Variants in MAGI3 observed in about 807,000 individuals in gnomAD.
MAGI3 encodes membrane associated guanylate kinase, WW and PDZ domain containing 3, also known as membrane-associated guanylate kinase, WW and PDZ domain-containing protein 3.
In MAGI3, 43 loss-of-function variants were observed where a neutral mutation model predicts 121.8. The observed-to-expected ratio is 0.35, with a 90% CI of 0.28 to 0.46. MAGI3 has a LOEUF of 0.46. Among genes scored for constraint, MAGI3 ranks in the 20% least tolerant of loss-of-function variants. MAGI3 has a pLI of 1.00. For missense variants in MAGI3, 1,547 were observed against 1,797.3 expected (o/e 0.86, Z 2.52); for synonymous variants, 553 against 639.3 (o/e 0.86, Z 2.04).
intron 1 of MAGI3, among the ~76,000 whole-genome samples, chr1:113,457,034 A>C (rs1654794664): frequency 6.6e-6 from 1 of 152,218 alleles, no homozygotes; most frequent in African/African-American, 2.4e-5. Context: ...AATTAATATG[A>C]GAGTTGAGTT....
At chr1:113,572,694 G>A (rs915250473) in intron 2 of MAGI3, among the ~76,000 whole-genome samples, 1 of 152,142 alleles carries the variant, frequency 6.6e-6, no homozygotes, top group Non-Finnish European at 1.5e-5. Flanking sequence ...GGCATTTATG[G>A]TATTCTCTGA....
chr1:113,471,747 C>T (rs1237539555), intron 1 of MAGI3, among the ~76,000 whole-genome samples: 1 of 152,122 alleles, frequency 6.6e-6, no homozygotes, highest in Non-Finnish European at 1.5e-5. Flanking sequence ...CCACAAACAC[C>T]TTAGTAATGT....
At chr1:113,545,462 G>GATT (rs1659494100) in intron 1 of MAGI3, among the ~76,000 whole-genome samples, 1 of 152,202 alleles carries the variant, frequency 6.6e-6, no homozygotes, top group Non-Finnish European at 1.5e-5. Context: ...GATGAAATTA[G>GATT]ATTGTAATTA....
chr1:113,493,030 G>GA (rs1557786418), intron 1 of MAGI3, among the ~76,000 whole-genome samples: 1 of 152,046 alleles, frequency 6.6e-6, no homozygotes. Flanking sequence ...CACAGAACTA[G>GA]AAAAAACTAT....
intron 3 of MAGI3, chr1:113,581,214 T>C (rs1465282944): frequency 6.6e-6 from 1 of 152,226 alleles, no homozygotes; most frequent in Non-Finnish European, 1.5e-5. Flanking sequence ...TAACATACCC[T>C]TCCCTGGCAA....
chr1:113,549,697 C>T, intron 2 of MAGI3, 66 bp downstream of exon 2: 2 of 802,052 alleles, frequency 2.5e-6, no homozygotes, highest in Non-Finnish European at 4.0e-6. Flanking sequence ...TAAACATCTA[C>T]AGATAGTTTG....
intron 2 of MAGI3, among the ~76,000 whole-genome samples, chr1:113,580,312 A>G (rs965515593): frequency 7.9e-6 from 1 of 126,146 alleles, no homozygotes; most frequent in Admixed American, 8.0e-5. Context: ...ATTAAGTAGG[A>G]TAACTACTTT....
intron 16 of MAGI3, among the ~76,000 whole-genome samples, chr1:113,670,806 G>A (rs1411730904): frequency 1.3e-5 from 2 of 152,172 alleles, no homozygotes; most frequent in Admixed American, 6.5e-5. Flanking sequence ...TCAAAGCACA[G>A]AGAACATAAC....
intron 20 of MAGI3, 86 bp downstream of exon 20, chr1:113,681,422 G>A: frequency 7.2e-7 from 1 of 1,391,418 alleles, no homozygotes; most frequent in Non-Finnish European, 9.8e-7. Context: ...GGAGAGGATA[G>A]ATATTTTACT....
intron 1 of MAGI3, among the ~76,000 whole-genome samples, chr1:113,399,165 C>G (rs868820679): frequency 6.6e-6 from 1 of 152,006 alleles, no homozygotes; most frequent in African/African-American, 2.4e-5. Context: ...CTCTGAACCC[C>G]GAAGTCATAC....
chr1:113,647,141 A>C (rs867155128), intron 12 of MAGI3, among the ~76,000 whole-genome samples: 12 of 152,206 alleles, frequency 7.9e-5, no homozygotes, highest in Non-Finnish European at 1.3e-4. Flanking sequence ...AGTGTCTTTG[A>C]GGAAGATAAA....
At chr1:113,649,450 A>G in intron 13 of MAGI3, 122 bp downstream of exon 13, 13 of 609,108 alleles carry the variant, frequency 2.1e-5, no homozygotes, top group Non-Finnish European at 3.7e-5. Flanking sequence ...ATGAAGAATA[A>G]CTGCATTTCC....
chr1:113,459,523 T>C (rs1654928652), intron 1 of MAGI3, among the ~76,000 whole-genome samples: 1 of 152,238 alleles, frequency 6.6e-6, no homozygotes, highest in Non-Finnish European at 1.5e-5. Flanking sequence ...AAAATCATAT[T>C]GTACATTCAT....
intron 1 of MAGI3, among the ~76,000 whole-genome samples, chr1:113,488,266 G>C (rs2101577079): frequency 6.6e-6 from 1 of 152,360 alleles, no homozygotes. Flanking sequence ...GTTTGGTGCA[G>C]GAACATCTGT....
chr1:113,464,572 A>G (rs1446826231), intron 1 of MAGI3, among the ~76,000 whole-genome samples: 4 of 152,148 alleles, frequency 2.6e-5, no homozygotes, highest in East Asian at 1.9e-4. Flanking sequence ...AGGAACTTCT[A>G]TACTATTCTG....
At chr1:113,591,437 C>G (rs952153914) in intron 5 of MAGI3, among the ~76,000 whole-genome samples, 8 of 152,092 alleles carry the variant, frequency 5.3e-5, no homozygotes, top group Admixed American at 4.6e-4. Flanking sequence ...AGGCACTACA[C>G]TCAAAGAACA....
chr1:113,571,597 AG>A (rs1375741951), intron 2 of MAGI3, among the ~76,000 whole-genome samples: 5 of 152,078 alleles, frequency 3.3e-5, no homozygotes, highest in African/African-American at 1.2e-4. Context: ...CTCCTTGAAG[AG>A]GTCCTTCATG....
intron 9 of MAGI3, among the ~76,000 whole-genome samples, chr1:113,641,397 A>C (rs1368796531): frequency 6.6e-6 from 1 of 151,182 alleles, no homozygotes; most frequent in Non-Finnish European, 1.5e-5. Context: ...AGGCCTACTG[A>C]AAAAAGAGCT....
chr1:113,551,177 A>G (rs1659773622), intron 2 of MAGI3, among the ~76,000 whole-genome samples: 1 of 152,144 alleles, frequency 6.6e-6, no homozygotes, highest in Non-Finnish European at 1.5e-5. Context: ...AACTCTCTAT[A>G]TAGAATTAGA....
Sources: gnomAD v4.1 joint callset for allele counts (sites outside exome capture counted in the v4.1 genomes callset) on GRCh38, gnomAD v4.1.1 for gene constraint, MANE v1.5 for transcripts, NCBI Gene and HGNC (gene_info 2026-07-23, HGNC 2026-07-21) for gene names.